The following HOXD4 variants were observed in gnomAD, a reference collection of about 807,000 sequenced individuals.
HOXD4 encodes the protein homeobox D4, also known as homeobox protein Hox-D4.
Under a neutral mutation model 22.6 loss-of-function variants are expected in HOXD4, and 15 were observed. That is an observed-to-expected ratio of 0.67 (90% confidence interval 0.45 to 1.02). The LOEUF is 1.02. Among genes scored for constraint, HOXD4 ranks in the 50% least tolerant of loss-of-function variants. The probability of loss-of-function intolerance (pLI) is 0.00; values close to 1 mark genes in which losing one functional copy is unlikely to be tolerated. For synonymous variants in HOXD4, 176 were observed against 157.0 expected (o/e 1.12, Z -0.90); for missense variants, 350 against 346.6 (o/e 1.01, Z -0.08).
rs1690550973 is a variant in HOXD4 at position 176,152,301 on chromosome 2, A to AG, written c.433+240dup. The stretch of plus-strand genomic sequence containing the variant: ...TGGGGGAGGACTCCATTTTCAGAGC[A>AG]GGGGGAAGGCTGTGGAGGAGCGGGG... On this transcript the variant is annotated intron_variant, in intron 1 of 1. Coordinates refer to ENST00000306324, the MANE Select transcript of HOXD4 (RefSeq NM_014621.3). This position sits in a 1 kb window ranked among gnomAD's most constrained non-coding sequence, Gnocchi z 5.2. Among the ~76,000 whole-genome samples the AG allele has an allele frequency of 1.6e-5, 1 of 62,184 alleles. No homozygotes were observed. The highest frequency in any genetic ancestry group is 4.5e-4 in the South Asian group (1 of 2,210). The allele number at this position is 62,184 out of a possible 152,430, so 40.8% of individuals were successfully genotyped here.
Position 176,151,569 on chromosome 2 carries a change from G to T in HOXD4, c.-65G>T. The T allele has an allele frequency of 1.4e-6, 2 of 1,395,702 alleles. No homozygotes were observed. Among genetic ancestry groups the T allele is most frequent in the Non-Finnish European group, 2.0e-6 (2 of 984,436 alleles). 86.5% of individuals were successfully genotyped at this position (1,395,702 alleles called of 1,614,324 possible). ...TTATTCAGTTGACAGCAAGTAGGAG[G>T]GCCCTATGGAAGGAGAAAAAAAGAC... is the stretch of plus-strand genomic sequence containing the variant. On this transcript the variant is annotated 5_prime_UTR_variant, in exon 1 of 2. Coordinates refer to ENST00000306324, the MANE Select transcript of HOXD4 (RefSeq NM_014621.3).
Position 176,153,138 on chromosome 2 carries a change from G to T in HOXD4, c.*196G>T, listed in dbSNP as rs1194408797. The T allele has an allele frequency of 4.6e-5, 24 of 516,840 alleles. No individual in the cohort carries two copies. The highest frequency in any genetic ancestry group is 4.4e-4 in the South Asian group (22 of 49,966). The allele number at this position is 516,840 out of a possible 1,614,324, so 32.0% of individuals were successfully genotyped here. A position where few individuals can be genotyped will look rare whatever the true frequency, so the allele number is the denominator to read the frequency against. On this transcript the variant is annotated 3_prime_UTR_variant, in exon 2 of 2. Transcript: ENST00000306324. ...CCTAGAGCGGGATGGGGATGGGAGG[G>T]GGGGCGGGATTCTCTCTCTAAGTAT...
Position 176,151,888 on chromosome 2 carries a change from C to T in HOXD4, c.255C>T (p.Pro85=). ...GTCACGGACAAGAGCCAGGCGGCCC[C>T]GGCGGTCACTACGCCGCTCCAGGAG... ...ARGHGQEPGG[P]GGHYAAPGEP... The change falls in exon 1 of 2, where the codon CCC becomes CCT. Residue 85 remains proline, a synonymous_variant. Coordinates refer to ENST00000306324, the MANE Select transcript of HOXD4 (RefSeq NM_014621.3). The T allele has an allele frequency of 6.3e-7, 1 of 1,586,142 alleles. No individual in the cohort carries two copies. The highest frequency in any genetic ancestry group is 2.3e-5 in the East Asian group (1 of 43,592).
Position 176,151,793 on chromosome 2 carries a change from C to T in HOXD4, c.160C>T (p.Arg54Trp), listed in dbSNP as rs370038228. The T allele has an allele frequency of 3.4e-5, 55 of 1,611,784 alleles. No homozygotes were observed. In the African/African-American group the frequency reaches 5.7e-4, roughly 17 times the overall value. Residue 54 changes from arginine to tryptophan, a missense_variant, in exon 1 of 2, where the codon CGG becomes TGG. Physicochemically the swap from Arg to Trp is moderately radical, Grantham distance 101. Coordinates refer to ENST00000306324, the MANE Select transcript of HOXD4 (RefSeq NM_014621.3). Reference sequence around the variant, plus strand: ...CTTCCAGCCCCCGGGGCTCTACCCACGGCCCGACTTCGGTGAGCAGCCTTT... The same window carrying T: ...CTTCCAGCCCCCGGGGCTCTACCCATGGCCCGACTTCGGTGAGCAGCCTTT... ...ADFQPPGLYP[R>W]PDFGEQPFGG... is the part of the protein sequence containing the mutation.
Position 176,152,259 on chromosome 2 carries a change from G to A in HOXD4, c.433+193G>A, listed in dbSNP as rs1203531355. ...GCTGCTCGGCTGTGGGCGCAAAAGG[G>A]GGTGGGGATGGGGGGGTGGGGGAGG... On this transcript the variant is annotated intron_variant, in intron 1 of 1. Transcript: ENST00000306324. The surrounding 1 kb of genome is among the most constrained non-coding windows in gnomAD (Gnocchi z 5.2). Among the ~76,000 whole-genome samples, 1 of 151,060 alleles carries A rather than the reference G, an allele frequency of 6.6e-6. No homozygotes were observed. Among genetic ancestry groups the A allele is most frequent in the East Asian group, 2.0e-4 (1 of 5,104 alleles).
rs770102587 is a variant in HOXD4 at position 176,152,065 on chromosome 2, G to A, written c.432G>A (p.Ser144=). The change falls in exon 1 of 2, where the codon TCG becomes TCA. Residue 144 remains serine (S), a splice_region_variant and synonymous_variant. Transcript: ENST00000306324. This position sits in a 1 kb window ranked among gnomAD's most constrained non-coding sequence, Gnocchi z 5.2. ...GGATGAAGAAGGTGCACGTGAATTC[G>A]GGTAAGGCTAGGGTCCAGTAACCTT... ...YPWMKKVHVN[S]VNPNYTGGEP... The A allele has an allele frequency of 1.9e-6, 3 of 1,613,134 alleles. No individual in the cohort carries two copies. The highest frequency in any genetic ancestry group is 2.5e-6 in the Non-Finnish European group (3 of 1,179,510).
chr2:176,153,117 GA>G lies in HOXD4; in HGVS notation c.*176del. The G allele has an allele frequency of 4.2e-5, 17 of 404,316 alleles. No homozygotes were observed. Among genetic ancestry groups the G allele is most frequent in the East Asian group, 5.5e-5 (1 of 18,274 alleles). The allele number at this position is 404,316 out of a possible 1,614,324, so 25.0% of individuals were successfully genotyped here. On this transcript the variant is annotated 3_prime_UTR_variant, in exon 2 of 2. Transcript: ENST00000306324. ...CTGCCCGAGGGCAGCCCCCTCCCTA[GA>G]GCGGGATGGGGATGGGAGGGGGGGC...
In HOXD4 at chr2:176,152,460, G is replaced by A. The variant is rs968645449; in HGVS notation, c.434-148G>A. 2.8e-6 allele frequency: 2 copies of A among 718,582 alleles called. No homozygotes were observed. The highest frequency in any genetic ancestry group is 3.5e-5 in the African/African-American group (2 of 57,580). 44.5% of individuals were successfully genotyped at this position (718,582 alleles called of 1,614,324 possible). A position where few individuals can be genotyped will look rare whatever the true frequency, so the allele number is the denominator to read the frequency against. The stretch of plus-strand genomic sequence containing the variant: ...TGGGAGTGAGCGTGTGCGCCGGGGA[G>A]AGGGCGGGAGGGAGGAAGCAAGCGA... On this transcript the variant is annotated intron_variant, in intron 1 of 1. Transcript: ENST00000306324. The surrounding 1 kb of genome is among the most constrained non-coding windows in gnomAD (Gnocchi z 5.2).
chr2:176,152,500 G>T lies in HOXD4; in HGVS notation c.434-108G>T. 1 of 915,584 alleles carries T rather than the reference G, an allele frequency of 1.1e-6. No individual in the cohort carries two copies. The highest frequency in any genetic ancestry group is 1.8e-6 in the Non-Finnish European group (1 of 568,402). The allele number at this position is 915,584 out of a possible 1,614,324, so 56.7% of individuals were successfully genotyped here. A position where few individuals can be genotyped will look rare whatever the true frequency, so the allele number is the denominator to read the frequency against. On this transcript the variant is annotated intron_variant, in intron 1 of 1. Coordinates refer to ENST00000306324, the MANE Select transcript of HOXD4 (RefSeq NM_014621.3). This position sits in a 1 kb window ranked among gnomAD's most constrained non-coding sequence, Gnocchi z 5.2. ...GAAGCAAGCGAGCTTGGGAGCGCGC[G>T]GGGAGGGCCGCGGGCCTCGGGGCGC...
Position 176,152,879 on chromosome 2 carries a change from C to T in HOXD4, c.705C>T (p.Val235=). ...CCTCCTCATCTTGCTCCTCCTCAGTCGCCCCCAGCCAGCATTTACAGCCGA... is the reference window on the plus strand; with the variant it reads ...CCTCCTCATCTTGCTCCTCCTCAGTTGCCCCCAGCCAGCATTTACAGCCGA... The part of the protein sequence containing the change: ...SSSSSSCSSS[V]APSQHLQPMA... The change falls in exon 2 of 2, where the codon GTC becomes GTT. Residue 235 remains valine, a synonymous_variant. Transcript: ENST00000306324. This position sits in a 1 kb window ranked among gnomAD's most constrained non-coding sequence, Gnocchi z 5.2. 6.2e-7 allele frequency: 1 copy of T among 1,614,190 alleles called. No individual in the cohort carries two copies.
chr2:176,151,942 G>C lies in HOXD4; in HGVS notation c.309G>C (p.Pro103=). 12 of 1,608,820 alleles carry C rather than the reference G, an allele frequency of 7.5e-6. 1 individual carries two copies. The highest frequency in any genetic ancestry group is 1.0e-5 in the Non-Finnish European group (12 of 1,177,654). The change falls in exon 1 of 2, where the codon CCG becomes CCC. Residue 103 remains proline, a synonymous_variant. Coordinates refer to ENST00000306324, the MANE Select transcript of HOXD4 (RefSeq NM_014621.3). ...CTTGCCCAGCTCCCCCGGCGCCTCC[G>C]CCGGCGCCCCTGCCTGGCGCCCGGG... ...GEPCPAPPAP[P]PAPLPGARAY... is the part of the protein sequence containing the mutation.
Position 176,151,599 on chromosome 2 carries a change from C to T in HOXD4, c.-35C>T. ...TATGGAAGGAGAAAAAAAGACAACA[C>T]GAGAAAAATTAGTATTTTCTACCTT... On this transcript the variant is annotated 5_prime_UTR_variant, in exon 1 of 2. The change creates a new upstream start codon in the 5' untranslated region. Coordinates refer to ENST00000306324, the MANE Select transcript of HOXD4 (RefSeq NM_014621.3). 2 of 1,568,480 alleles carry T rather than the reference C, an allele frequency of 1.3e-6. No individual in the cohort carries two copies. The highest frequency in any genetic ancestry group is 1.3e-5 in the African/African-American group (1 of 74,126).
chr2:176,153,092 C>A lies in HOXD4; in HGVS notation c.*150C>A. On this transcript the variant is annotated 3_prime_UTR_variant, in exon 2 of 2. Transcript: ENST00000306324. ...GCCGCCCTCGGACTAGGTTAGCATC[C>A]TGCCCGAGGGCAGCCCCCTCCCTAG... is the stretch of plus-strand genomic sequence containing the variant. 1 of 433,218 alleles carries A rather than the reference C, an allele frequency of 2.3e-6. No homozygotes were observed. Among genetic ancestry groups the A allele is most frequent in the Admixed American group, 3.2e-5 (1 of 31,242 alleles). 26.8% of individuals were successfully genotyped at this position (433,218 alleles called of 1,614,324 possible). A position where few individuals can be genotyped will look rare whatever the true frequency, so the allele number is the denominator to read the frequency against.
Position 176,153,111 on chromosome 2 carries a change from T to A in HOXD4, c.*169T>A. On this transcript the variant is annotated 3_prime_UTR_variant, in exon 2 of 2. Transcript: ENST00000306324. ...AGCATCCTGCCCGAGGGCAGCCCCC[T>A]CCCTAGAGCGGGATGGGGATGGGAG... 1 of 367,426 alleles carries A rather than the reference T, an allele frequency of 2.7e-6. No homozygotes were observed. Among genetic ancestry groups the A allele is most frequent in the Non-Finnish European group, 5.3e-6 (1 of 187,480 alleles). The allele number at this position is 367,426 out of a possible 1,614,324, so 22.8% of individuals were successfully genotyped here. A position where few individuals can be genotyped will look rare whatever the true frequency, so the allele number is the denominator to read the frequency against.
chr2:176,152,625 G>A lies in HOXD4; in HGVS notation c.451G>A (p.Gly151Ser), dbSNP rs775508820. 7 of 1,613,924 alleles carry A rather than the reference G, an allele frequency of 4.3e-6. No homozygotes were observed. The highest frequency in any genetic ancestry group is 5.9e-6 in the Non-Finnish European group (7 of 1,179,968). Reference sequence around the variant, plus strand: ...TCTCGCAGTGAACCCCAACTACACCGGTGGGGAACCCAAGCGGTCCCGAAC... The same window carrying A: ...TCTCGCAGTGAACCCCAACTACACCAGTGGGGAACCCAAGCGGTCCCGAAC... ...HVNSVNPNYT[G>S]GEPKRSRTAY... The change falls in exon 2 of 2, where the codon GGT becomes AGT. Residue 151 changes from glycine (G) to serine (S), a missense_variant. Coordinates refer to ENST00000306324, the MANE Select transcript of HOXD4 (RefSeq NM_014621.3). The surrounding 1 kb of genome is among the most constrained non-coding windows in gnomAD (Gnocchi z 5.2).
Position 176,153,011 on chromosome 2 carries a change from C to T in HOXD4, c.*69C>T. The T allele has an allele frequency of 7.0e-7, 1 of 1,436,808 alleles. No individual in the cohort carries two copies. The highest frequency in any genetic ancestry group is 9.8e-7 in the Non-Finnish European group (1 of 1,019,616). 89.0% of individuals were successfully genotyped at this position (1,436,808 alleles called of 1,614,324 possible). Reference sequence around the variant, plus strand: ...GCCGAAGCTGCGGGGGCAGGCCGGGCCTGCTGTCACCTCGCTGGGCTCTAA... The same window carrying T: ...GCCGAAGCTGCGGGGGCAGGCCGGGTCTGCTGTCACCTCGCTGGGCTCTAA... On this transcript the variant is annotated 3_prime_UTR_variant, in exon 2 of 2. Coordinates refer to ENST00000306324, the MANE Select transcript of HOXD4 (RefSeq NM_014621.3).
chr2:176,152,898 C>T lies in HOXD4; in HGVS notation c.724C>T (p.Gln242Ter). ...CTCAGTCGCCCCCAGCCAGCATTTA[C>T]AGCCGATGGCCAAAGACCACCACAC... The part of the protein sequence containing the change: ...SSSVAPSQHL[Q>*]PMAKDHHTDL... The change falls in exon 2 of 2, where the codon CAG (glutamine) becomes TAG (stop). Residue 242 changes from glutamine (Q) to a stop codon, truncating the protein, a stop_gained. Transcript: ENST00000306324. LOFTEE classifies it high-confidence loss of function. The surrounding 1 kb of genome is among the most constrained non-coding windows in gnomAD (Gnocchi z 5.2). 6.2e-7 allele frequency: 1 copy of T among 1,614,242 alleles called. No homozygotes were observed. Among genetic ancestry groups the T allele is most frequent in the Non-Finnish European group, 8.5e-7 (1 of 1,180,048 alleles).
In HOXD4 at chr2:176,152,642, GT is replaced by G; in HGVS notation, c.469del (p.Ser157ProfsTer11). ...ACTACACCGGTGGGGAACCCAAGCG[GT>G]CCCGAACGGCCTACACCCGGCAGCA... ...PNYTGGEPKR[S>X]RTAYTRQQVL... On this transcript the variant is annotated frameshift_variant, in exon 2 of 2. Transcript: ENST00000306324. LOFTEE classifies it high-confidence loss of function. The surrounding 1 kb of genome is among the most constrained non-coding windows in gnomAD (Gnocchi z 5.2). The G allele has an allele frequency of 6.2e-7, 1 of 1,614,108 alleles. No individual in the cohort carries two copies. The highest frequency in any genetic ancestry group is 8.5e-7 in the Non-Finnish European group (1 of 1,180,002).
In HOXD4 at chr2:176,152,475, G is replaced by A; in HGVS notation, c.434-133G>A. On this transcript the variant is annotated intron_variant, in intron 1 of 1. Coordinates refer to ENST00000306324, the MANE Select transcript of HOXD4 (RefSeq NM_014621.3). This position sits in a 1 kb window ranked among gnomAD's most constrained non-coding sequence, Gnocchi z 5.2. ...GCGCCGGGGAGAGGGCGGGAGGGAGGAAGCAAGCGAGCTTGGGAGCGCGCG... is the reference window on the plus strand; with the variant it reads ...GCGCCGGGGAGAGGGCGGGAGGGAGAAAGCAAGCGAGCTTGGGAGCGCGCG... 4 of 747,072 alleles carry A rather than the reference G, an allele frequency of 5.4e-6. No homozygotes were observed. The highest frequency in any genetic ancestry group is 2.0e-5 in the Admixed American group (1 of 50,056). The allele number at this position is 747,072 out of a possible 1,614,324, so 46.3% of individuals were successfully genotyped here.
Sources: allele counts gnomAD v4.1 joint callset (sites outside exome capture counted in the v4.1 genomes callset), GRCh38; gene constraint gnomAD v4.1.1; non-coding constraint Gnocchi (gnomAD v3.1); transcripts MANE v1.5; gene names NCBI Gene and HGNC (gene_info 2026-07-23, HGNC 2026-07-21).